ESRRG: variants seen among roughly 807,000 people sequenced by gnomAD.
The protein encoded by ESRRG is estrogen-related receptor gamma.
ESRRG carries 13 observed loss-of-function variants against 44.0 expected under a neutral mutation model. The ratio of observed to expected loss-of-function variants is 0.30; its 90% CI spans 0.19 to 0.47. The LOEUF is 0.47. Ranked by LOEUF, ESRRG falls within the 20% of genes least tolerant of loss-of-function variation. The probability of loss-of-function intolerance (pLI) is 1.00; values close to 1 mark genes in which losing one functional copy is unlikely to be tolerated. For synonymous variants in ESRRG, 215 were observed against 214.6 expected, an observed-to-expected ratio of 1.00 and a Z score of -0.02; for missense variants, 395 against 580.6, an observed-to-expected ratio of 0.68 and a Z score of 3.29.
chr1:216,992,747 T>C (rs2075893638), intron 1 of ESRRG, among the ~76,000 whole-genome samples: 3 of 152,170 alleles, frequency 2.0e-5, no homozygotes. Context: ...ATTCCCAAAA[T>C]TTACAAAGCT....
chr1:216,956,696 G>A (rs543928987), intron 1 of ESRRG, among the ~76,000 whole-genome samples: 10 of 152,154 alleles, frequency 6.6e-5, no homozygotes, highest in Non-Finnish European at 1.3e-4. Context: ...ATGTCATTGT[G>A]TACGAAGGAG....
intron 3 of ESRRG, among the ~76,000 whole-genome samples, chr1:216,583,547 AG>A (rs2063201761): frequency 6.6e-6 from 1 of 152,204 alleles, no homozygotes; most frequent in African/African-American, 2.4e-5. Flanking sequence ...CTCCCTCTAC[AG>A]GGGCTTCATG....
At chr1:216,867,481 T>C (rs1325122355) in intron 2 of ESRRG, among the ~76,000 whole-genome samples, 1 of 152,200 alleles carries the variant, frequency 6.6e-6, no homozygotes, top group Non-Finnish European at 1.5e-5. Context: ...CAAATTTGCG[T>C]AGGGGATATT....
intron 2 of ESRRG, among the ~76,000 whole-genome samples, chr1:216,876,518 T>C (rs929686837): frequency 3.3e-5 from 5 of 152,128 alleles, no homozygotes; most frequent in Non-Finnish European, 7.4e-5. Context: ...CTAGAATATA[T>C]ATTTTCAGGG....
At chr1:216,772,536 C>T (rs1381985060) in intron 2 of ESRRG, among the ~76,000 whole-genome samples, 1 of 152,148 alleles carries the variant, frequency 6.6e-6, no homozygotes, top group Non-Finnish European at 1.5e-5. Flanking sequence ...TGTACCTAAG[C>T]TGCTTCTCTA....
chr1:216,704,371 G>T (rs1013602570), intron 1 of ESRRG, among the ~76,000 whole-genome samples: 1 of 152,104 alleles, frequency 6.6e-6, no homozygotes, highest in African/African-American at 2.4e-5. Flanking sequence ...AAAAAATTTA[G>T]CTAGGCATGG....
At chr1:216,531,004 A>G (rs769386872) in intron 5 of ESRRG, among the ~76,000 whole-genome samples, 30 of 152,152 alleles carry the variant, frequency 2.0e-4, no homozygotes, top group Non-Finnish European at 1.2e-4. Context: ...TCTTTAACAT[A>G]TGCCCTAGGA....
At chr1:216,842,261 T>C (rs916843553) in intron 2 of ESRRG, among the ~76,000 whole-genome samples, 5 of 152,290 alleles carry the variant, frequency 3.3e-5, no homozygotes, top group African/African-American at 1.2e-4. Context: ...GTTGAATTTA[T>C]ATATTTATAC....
At chr1:217,055,735 C>T (rs574226622) in intron 1 of ESRRG, among the ~76,000 whole-genome samples, 6 of 140,174 alleles carry the variant, frequency 4.3e-5, no homozygotes, top group Non-Finnish European at 9.7e-5. Context: ...GGTACATTTA[C>T]ACTACATGAG....
chr1:216,569,322 C>A (rs1008892949), intron 3 of ESRRG, among the ~76,000 whole-genome samples: 28 of 151,848 alleles, frequency 1.8e-4, no homozygotes, highest in African/African-American at 6.8e-4. Context: ...CAAAGAATTC[C>A]AAATGCTTGG....
chr1:216,940,042 A>C (rs7548001), intron 1 of ESRRG, among the ~76,000 whole-genome samples: 77,813 of 151,962 alleles, frequency 0.51, 20,985 homozygotes, highest in Middle Eastern at 0.6. Flanking sequence ...CAGAAAAAAA[A>C]AAAATTCTTC....
intron 2 of ESRRG, among the ~76,000 whole-genome samples, chr1:216,908,828 C>T (rs560290982): frequency 4.8e-5 from 5 of 105,188 alleles, no homozygotes; most frequent in Admixed American, 2.0e-4. Context: ...GTACACACTC[C>T]TAGAAAAAAA....
chr1:216,563,656 A>G (rs144093087), intron 5 of ESRRG, among the ~76,000 whole-genome samples: 119 of 152,298 alleles, frequency 7.8e-4, no homozygotes, highest in African/African-American at 2.8e-3. Context: ...AAAGAAGAGA[A>G]ATATTTTTAA....
chr1:216,767,999 G>A (rs1044479239), intron 2 of ESRRG, among the ~76,000 whole-genome samples: 1 of 152,062 alleles, frequency 6.6e-6, no homozygotes, highest in African/African-American at 2.4e-5. Flanking sequence ...CACATTGTTG[G>A]TATGTTTTAT....
intron 2 of ESRRG, among the ~76,000 whole-genome samples, chr1:216,761,002 A>T (rs2092738552): frequency 1.3e-5 from 2 of 152,004 alleles, no homozygotes; most frequent in African/African-American, 4.8e-5. Flanking sequence ...CTTTGTTCAT[A>T]TCGGCTCCAT....
chr1:216,910,902 G>A (rs1288020824), intron 2 of ESRRG, among the ~76,000 whole-genome samples: 2 of 152,180 alleles, frequency 1.3e-5, no homozygotes, highest in Admixed American at 6.5e-5. Context: ...ACATTAGAAA[G>A]CAAATATTCA....
rs375300638 is a variant in ESRRG at position 216,733,095 on chromosome 1, T to G, written c.-13-55604A>C. Among the ~76,000 whole-genome samples, 5 of 151,950 alleles carry G rather than the reference T, an allele frequency of 3.3e-5. No individual in the cohort carries two copies. In the East Asian group the frequency reaches 7.8e-4, roughly 24 times the overall value. ...AAAAAAAAAAATTCAACTTTAAAAC[T>G]ACCATATTTGCTTACAGTTTTTCAA... is the stretch of plus-strand genomic sequence containing the variant. On this transcript the variant is annotated intron_variant, in intron 2 of 7. Coordinates refer to the ESRRG transcript ENST00000359162.
chr1:216,810,033 G>A (rs1426716398), intron 2 of ESRRG, among the ~76,000 whole-genome samples: 1 of 152,170 alleles, frequency 6.6e-6, no homozygotes, highest in East Asian at 1.9e-4. Flanking sequence ...AAAAAGGACA[G>A]TTCAGTTCAC....
chr1:216,699,620 T>C (rs1043275262), intron 1 of ESRRG, among the ~76,000 whole-genome samples: 2 of 152,086 alleles, frequency 1.3e-5, no homozygotes, highest in African/African-American at 4.8e-5. Flanking sequence ...GAATAAGTCA[T>C]TGTTCCTTAA....
Sources: gnomAD v4.1 joint callset for allele counts (sites outside exome capture counted in the v4.1 genomes callset) on GRCh38, gnomAD v4.1.1 for gene constraint, MANE v1.5 for transcripts, NCBI Gene and HGNC (gene_info 2026-07-23, HGNC 2026-07-21) for gene names.